The following WDR37 variants were observed in gnomAD, a reference collection of about 807,000 sequenced individuals.
The protein encoded by WDR37 is WD repeat domain 37.
In WDR37, 19 loss-of-function variants were observed where a neutral mutation model predicts 62.9. That is an observed-to-expected ratio of 0.30 (90% CI 0.21 to 0.44). The LOEUF (loss-of-function observed/expected upper bound fraction) is 0.44, where lower values mean the gene tolerates loss of function less well. Among genes scored for constraint, WDR37 ranks in the 20% least tolerant of loss-of-function variants. The pLI is 1.00. For synonymous variants in WDR37, 250 were observed against 260.9 expected (o/e 0.96, Z 0.40); for missense variants, 474 against 657.6 (o/e 0.72, Z 3.05).
Position 1,080,035 on chromosome 10 carries a change from A to C in WDR37, c.260A>C (p.Asn87Thr). ...GTACGTAGAGAAATCGACACTCTTA[A>C]TGAACGTTTAGCTGCTGAAGGACAA... is the stretch of plus-strand genomic sequence containing the variant. The part of the protein sequence containing the change: ...LELRREIDTL[N>T]ERLAAEGQAI... Residue 87 changes from asparagine (N) to threonine (T), a missense_variant, in exon 4 of 14, where the codon AAT (asparagine) becomes ACT (threonine). Transcript: ENST00000263150. 3.1e-6 allele frequency: 5 copies of C among 1,614,130 alleles called. No individual in the cohort carries two copies. Among genetic ancestry groups the C allele is most frequent in the Non-Finnish European group, 4.2e-6 (5 of 1,180,006 alleles).
At chr10:1,119,146 G>T (rs565063745) in intron 11 of WDR37, among the ~76,000 whole-genome samples, 5 of 152,216 alleles carry the variant, frequency 3.3e-5, no homozygotes, top group Admixed American at 2.6e-4. Context: ...GTCTGTACAG[G>T]CTCCTGCAGA....
At position 1,099,474 on chromosome 10, in the gene WDR37, T is replaced by C. The variant is rs764783055; in HGVS notation, c.726+3228T>C. The stretch of plus-strand genomic sequence containing the variant: ...TGTGAACATTCTAAACACTGTTCTA[T>C]GTGGAGATAGTTAAGCAGTTAATAA... On this transcript the variant is annotated intron_variant, in intron 9 of 13. Coordinates refer to ENST00000263150, the MANE Select transcript of WDR37 (RefSeq NM_014023.4). 3.7e-4 allele frequency among the ~76,000 whole-genome samples: 57 copies of C among 152,384 alleles called. 1 individual carries two copies. Among genetic ancestry groups the C allele is most frequent in the Non-Finnish European group, 7.1e-4 (48 of 68,040 alleles).
rs1834998039 is a variant in WDR37 at position 1,105,929 on chromosome 10, GCACC to G, written c.1103+663_1103+666del. ...GCCTCCCGAGTAGCTGGGACTAGAGGCACCTGCCACCACGCCTGGCTAGTTTTTT... is the reference window on the plus strand; with the variant it reads ...GCCTCCCGAGTAGCTGGGACTAGAGGTGCCACCACGCCTGGCTAGTTTTTT... On this transcript the variant is annotated intron_variant, in intron 11 of 13. Transcript: ENST00000263150. The surrounding 1 kb of genome is among the most constrained non-coding windows in gnomAD (Gnocchi z 5.3). 2.0e-5 allele frequency among the ~76,000 whole-genome samples: 3 copies of G among 152,116 alleles called. No individual in the cohort carries two copies. Among genetic ancestry groups the G allele is most frequent in the African/African-American group, 7.2e-5 (3 of 41,432 alleles).
At chr10:1,069,609 A>G (rs1833670021) in intron 1 of WDR37, among the ~76,000 whole-genome samples, 1 of 151,880 alleles carries the variant, frequency 6.6e-6, no homozygotes, top group Admixed American at 6.6e-5. Flanking sequence ...AATTGTAGAG[A>G]TGGTTACAGA....
chr10:1,101,708 T>TC lies in WDR37; in HGVS notation c.727-1891dup, dbSNP rs1227899597. Among the ~76,000 whole-genome samples, 4 of 152,332 alleles carry TC rather than the reference T, an allele frequency of 2.6e-5. No homozygotes were observed. In the South Asian group the frequency reaches 8.3e-4, roughly 32 times the overall value. ...AGTCTCCCGGGATTACAGGAGCTGT[T>TC]CCCGACTTTGCCTCCCGTAGCTGTT... On this transcript the variant is annotated intron_variant, in intron 9 of 13. Transcript: ENST00000263150.
At chr10:1,111,087 A>G (rs1835203554) in intron 11 of WDR37, among the ~76,000 whole-genome samples, 1 of 152,256 alleles carries the variant, frequency 6.6e-6, no homozygotes, top group South Asian at 2.1e-4. Context: ...CCCCTTAAAC[A>G]GAGGCAGTAT....
In WDR37 at chr10:1,083,410, TATGGTCTTAGGAAGA is replaced by T. The variant is rs372248953; in HGVS notation, c.397-989_397-975del. On this transcript the variant is annotated intron_variant, in intron 5 of 13. Coordinates refer to ENST00000263150, the MANE Select transcript of WDR37 (RefSeq NM_014023.4). The stretch of plus-strand genomic sequence containing the variant: ...ATCCATGTGACAGTGGGTTGTGCTT[TATGGTCTTAGGAAGA>T]ATGAATTTAGATGTGTTTTTCAGGG... Among the ~76,000 whole-genome samples the T allele has an allele frequency of 4.5e-3, 681 of 152,320 alleles. 4 individuals are homozygous for T. Among genetic ancestry groups the T allele is most frequent in the African/African-American group, 0.015 (625 of 41,550 alleles).
At position 1,072,103 on chromosome 10, in the gene WDR37, T is replaced by C; in HGVS notation, c.-40-13T>C. On this transcript the variant is annotated splice_polypyrimidine_tract_variant and intron_variant, in intron 1 of 13. Transcript: ENST00000263150. Reference sequence around the variant, plus strand: ...GCTGTATCAGAAACACTGTTTTTTCTTGCTGTTTTTAGCTTATTGCAGGAG... The same window carrying C: ...GCTGTATCAGAAACACTGTTTTTTCCTGCTGTTTTTAGCTTATTGCAGGAG... The C allele has an allele frequency of 6.3e-7, 1 of 1,587,884 alleles. No individual in the cohort carries two copies. Among genetic ancestry groups the C allele is most frequent in the Non-Finnish European group, 8.6e-7 (1 of 1,167,404 alleles).
At position 1,072,286 on chromosome 10, in the gene WDR37, A is replaced by T. The variant is rs1833753152; in HGVS notation, c.131A>T (p.Glu44Val). ...ACGGGACTGCCAAGAGACATGTTAGAAGGACAAGTAAGCTACGATTGATTA... is the reference window on the plus strand; with the variant it reads ...ACGGGACTGCCAAGAGACATGTTAGTAGGACAAGTAAGCTACGATTGATTA... The part of the protein sequence containing the change: ...ERTGLPRDML[E>V]GQDSKLPSSV... Residue 44 changes from glutamate (E) to valine (V), a missense_variant, in exon 2 of 14, where the codon GAA becomes GTA. Physicochemically the swap from Glu to Val is moderately radical, Grantham distance 121 (BLOSUM62 -2). Coordinates refer to ENST00000263150, the MANE Select transcript of WDR37 (RefSeq NM_014023.4). 1 of 1,613,604 alleles carries T rather than the reference A, an allele frequency of 6.2e-7. No homozygotes were observed. Among genetic ancestry groups the T allele is most frequent in the Non-Finnish European group, 8.5e-7 (1 of 1,179,824 alleles).
rs780764111 is a variant in WDR37 at position 1,103,875 on chromosome 10, C to T, written c.961+39C>T. On this transcript the variant is annotated intron_variant, in intron 10 of 13. Transcript: ENST00000263150. This position sits in a 1 kb window ranked among gnomAD's most constrained non-coding sequence, Gnocchi z 6.3. The stretch of plus-strand genomic sequence containing the variant: ...CTGAGTCCGCCGCCTCCTGGCTGTG[C>T]ATGTTAGTTTATGTCCATGGGTTAT... 4 of 1,597,512 alleles carry T rather than the reference C, an allele frequency of 2.5e-6. No individual in the cohort carries two copies. The highest frequency in any genetic ancestry group is 1.1e-5 in the South Asian group (1 of 89,672).
At chr10:1,113,179 T>A (rs962430166) in intron 11 of WDR37, among the ~76,000 whole-genome samples, 1 of 152,206 alleles carries the variant, frequency 6.6e-6, no homozygotes, top group Non-Finnish European at 1.5e-5. Flanking sequence ...TTAAGAATTA[T>A]GTGAAACCTA....
intron 11 of WDR37, among the ~76,000 whole-genome samples, chr10:1,117,299 C>T (rs1299384029): frequency 6.6e-6 from 1 of 152,204 alleles, no homozygotes; most frequent in Non-Finnish European, 1.5e-5. Context: ...AAGTGATCCT[C>T]TTGCCTCAGC....
At chr10:1,093,905 A>G (rs574683900) in intron 8 of WDR37, among the ~76,000 whole-genome samples, 11 of 152,322 alleles carry the variant, frequency 7.2e-5, no homozygotes, top group African/African-American at 2.6e-4. Flanking sequence ...CAATGTCAGC[A>G]TTTTTACTTC....
chr10:1,074,991 T>C (rs958619254), intron 2 of WDR37, among the ~76,000 whole-genome samples: 1 of 152,238 alleles, frequency 6.6e-6, no homozygotes, highest in Non-Finnish European at 1.5e-5. Context: ...GTCGATGTGA[T>C]GGAAGAAATT....
At chr10:1,115,698 A>G (rs773231178) in intron 11 of WDR37, among the ~76,000 whole-genome samples, 1 of 152,094 alleles carries the variant, frequency 6.6e-6, no homozygotes, top group East Asian at 1.9e-4. Flanking sequence ...GCGTGTTGGA[A>G]AGGACGCATG....
chr10:1,104,890 A>G (rs1166223551), intron 10 of WDR37, among the ~76,000 whole-genome samples: 2 of 152,244 alleles, frequency 1.3e-5, no homozygotes, highest in African/African-American at 4.8e-5. Flanking sequence ...TGGTAGGGTC[A>G]GAAAATGGGT....
intron 11 of WDR37, among the ~76,000 whole-genome samples, chr10:1,114,412 T>G (rs1835320796): frequency 6.6e-6 from 1 of 152,210 alleles, no homozygotes; most frequent in South Asian, 2.1e-4. Context: ...GCCATCAGCA[T>G]CGAGGCAGGA....
At chr10:1,065,794 A>G (rs375049778) in intron 1 of WDR37, among the ~76,000 whole-genome samples, 7 of 152,358 alleles carry the variant, frequency 4.6e-5, no homozygotes, top group Non-Finnish European at 8.8e-5. Context: ...TGCTGTCACT[A>G]TAGTAATTTA....
intron 1 of WDR37, among the ~76,000 whole-genome samples, chr10:1,063,326 A>G (rs1476928166): frequency 6.6e-6 from 1 of 152,164 alleles, no homozygotes; most frequent in African/African-American, 2.4e-5. Flanking sequence ...AAATCACAGA[A>G]CTTTTCGATG....
Sources: allele counts gnomAD v4.1 joint callset (sites outside exome capture counted in the v4.1 genomes callset), GRCh38; gene constraint gnomAD v4.1.1; non-coding constraint Gnocchi (gnomAD v3.1); transcripts MANE v1.5; gene names NCBI Gene and HGNC (gene_info 2026-07-23, HGNC 2026-07-21).